KHDRBS3: variants seen among roughly 807,000 people sequenced by gnomAD.
KHDRBS3 encodes KH domain-containing, RNA-binding, signal transduction-associated protein 3.
A neutral mutation model predicts 45.6 loss-of-function variants in KHDRBS3; 23 were observed. That is an observed-to-expected ratio of 0.50 (90% CI 0.36 to 0.72). The LOEUF is 0.72. KHDRBS3 is among the 30% of genes least tolerant of loss of function. The probability of loss-of-function intolerance (pLI) is 0.00; values close to 1 mark genes in which losing one functional copy is unlikely to be tolerated. For missense variants in KHDRBS3, 352 were observed against 424.8 expected, an observed-to-expected ratio of 0.83 and a Z score of 1.51; for synonymous variants, 162 against 156.5, an observed-to-expected ratio of 1.04 and a Z score of -0.26.
chr8:135,602,385 A>C (rs1386520039), intron 6 of KHDRBS3, among the ~76,000 whole-genome samples: 3 of 152,204 alleles, frequency 2.0e-5, no homozygotes, highest in Non-Finnish European at 4.4e-5. Flanking sequence ...CTCCTGAATG[A>C]AATCTTGTGA....
rs554074659 is a variant in KHDRBS3 at position 135,488,649 on chromosome 8, A to G, written c.88+30695A>G. Among the ~76,000 whole-genome samples, 4 of 152,318 alleles carry G rather than the reference A, an allele frequency of 2.6e-5. No homozygotes were observed. In the South Asian group the frequency reaches 8.3e-4, roughly 32 times the overall value. On this transcript the variant is annotated intron_variant, in intron 1 of 8. Coordinates refer to ENST00000355849, the MANE Select transcript of KHDRBS3 (RefSeq NM_006558.3). The stretch of plus-strand genomic sequence containing the variant: ...GTGGGTTGAGAAATAGACCAATATG[A>G]GGAAGCAAGCCTACTGATATTCATA...
chr8:135,603,852 C>A (rs546504240), intron 6 of KHDRBS3, among the ~76,000 whole-genome samples: 9 of 152,034 alleles, frequency 5.9e-5, no homozygotes, highest in African/African-American at 2.4e-5. Flanking sequence ...ATGTTTCATG[C>A]GCAGTGGAGA....
intron 2 of KHDRBS3, chr8:135,541,028 T>G (rs1406581941): frequency 4.6e-5 from 7 of 152,200 alleles, no homozygotes. Context: ...AGAAATTTAA[T>G]TGTTTCCACA....
At chr8:135,484,232 C>T (rs1822730758) in intron 1 of KHDRBS3, among the ~76,000 whole-genome samples, 1 of 152,168 alleles carries the variant, frequency 6.6e-6, no homozygotes, top group Non-Finnish European at 1.5e-5. Flanking sequence ...CAACGGGACC[C>T]CAGAAAAACT....
At position 135,457,706 on chromosome 8, in the gene KHDRBS3, TGCC is replaced by T. The variant is rs1023630113; in HGVS notation, c.-148_-146del. ...GCTGAGCGGTCGGTTCCCGCCCCCG[TGCC>T]GCCGCCGCCGCCTTCCGGCCGACCG... On this transcript the variant is annotated 5_prime_UTR_variant, in exon 1 of 9. Transcript: ENST00000355849. This position sits in a 1 kb window ranked among gnomAD's most constrained non-coding sequence, Gnocchi z 4.4. 8.7e-5 allele frequency: 14 copies of T among 160,738 alleles called. No individual in the cohort carries two copies. Among genetic ancestry groups the T allele is most frequent in the East Asian group, 1.9e-4 (1 of 5,174 alleles). 10.0% of individuals were successfully genotyped at this position (160,738 alleles called of 1,614,324 possible). A position where few individuals can be genotyped will look rare whatever the true frequency, so the allele number is the denominator to read the frequency against.
At chr8:135,608,668 G>T (rs750657892) in intron 7 of KHDRBS3, among the ~76,000 whole-genome samples, 5 of 152,146 alleles carry the variant, frequency 3.3e-5, no homozygotes, top group African/African-American at 1.2e-4. Flanking sequence ...TCTGTTATGG[G>T]ATGTATATAC....
chr8:135,550,479 A>G (rs1422466322), intron 4 of KHDRBS3, among the ~76,000 whole-genome samples: 1 of 152,220 alleles, frequency 6.6e-6, no homozygotes. Context: ...TGTTGAAAAG[A>G]CAATCATTTC....
chr8:135,584,553 A>G (rs1037405849), intron 6 of KHDRBS3, among the ~76,000 whole-genome samples: 1 of 152,234 alleles, frequency 6.6e-6, no homozygotes, highest in Non-Finnish European at 1.5e-5. Context: ...GATTTTCCTC[A>G]TTTAGCTTAG....
intron 1 of KHDRBS3, among the ~76,000 whole-genome samples, chr8:135,474,377 G>A (rs967555349): frequency 2.0e-5 from 3 of 152,198 alleles, no homozygotes; most frequent in Non-Finnish European, 4.4e-5. Flanking sequence ...TGCATGAATC[G>A]AACCAGATGC....
intron 1 of KHDRBS3, among the ~76,000 whole-genome samples, chr8:135,478,727 G>A (rs1184238181): frequency 6.6e-6 from 1 of 152,074 alleles, no homozygotes. Context: ...AAAATAACCA[G>A]TGAGCCAAAA....
At chr8:135,629,320 G>A (rs548798764) in intron 7 of KHDRBS3, among the ~76,000 whole-genome samples, 1 of 152,308 alleles carries the variant, frequency 6.6e-6, no homozygotes, top group Non-Finnish European at 1.5e-5. Flanking sequence ...CTAGTGTTTT[G>A]TGTAGGTGAA....
downstream of KHDRBS3, chr8:135,647,632 A>G (rs1009590778): frequency 3.1e-4 from 48 of 152,676 alleles, no homozygotes; most frequent in African/African-American, 1.1e-3. Context: ...TGAGCTAACA[A>G]TTTCATGGGT....
At chr8:135,614,565 A>G (rs1254281071) in intron 7 of KHDRBS3, among the ~76,000 whole-genome samples, 1 of 151,842 alleles carries the variant, frequency 6.6e-6, no homozygotes, top group Non-Finnish European at 1.5e-5. Flanking sequence ...AAAAAGTGCT[A>G]ATAGAAATTG....
intron 6 of KHDRBS3, among the ~76,000 whole-genome samples, chr8:135,584,009 T>G (rs1477155207): frequency 6.6e-6 from 1 of 152,212 alleles, no homozygotes; most frequent in Non-Finnish European, 1.5e-5. Flanking sequence ...AGGATTAATT[T>G]ACTCCCTTTT....
chr8:135,529,857 G>C (rs1169654535), intron 2 of KHDRBS3, among the ~76,000 whole-genome samples: 1 of 152,038 alleles, frequency 6.6e-6, no homozygotes, highest in Non-Finnish European at 1.5e-5. Flanking sequence ...TCAGGAGATT[G>C]AGACCACAGT....
chr8:135,563,655 T>C (rs1429661822), intron 5 of KHDRBS3, among the ~76,000 whole-genome samples: 2 of 152,252 alleles, frequency 1.3e-5, no homozygotes, highest in Admixed American at 6.5e-5. Flanking sequence ...GCACATTCTT[T>C]AGCCTCTTTC....
chr8:135,625,537 G>A, intron 7 of KHDRBS3: 1 of 867,868 alleles, frequency 1.2e-6, no homozygotes. Context: ...GAGGTTTCTT[G>A]GGTGTATTCA....
intron 2 of KHDRBS3, among the ~76,000 whole-genome samples, chr8:135,526,408 C>T (rs1312075094): frequency 1.3e-5 from 2 of 151,918 alleles, no homozygotes; most frequent in Non-Finnish European, 2.9e-5. Flanking sequence ...CAAGTACTTA[C>T]AATGTCTGAA....
Position 135,549,933 on chromosome 8 carries a change from C to G in KHDRBS3, c.471+1033C>G, listed in dbSNP as rs996369953. 2.0e-5 allele frequency: 3 copies of G among 152,110 alleles called. 1 individual carries two copies. Among genetic ancestry groups the G allele is most frequent in the South Asian group, 4.1e-4 (2 of 4,830 alleles). 9.4% of individuals were successfully genotyped at this position (152,110 alleles called of 1,614,324 possible). ...GAAATGGCTAGTATTTTCTTTAGTTCCCATGAGCAAATATGACAATCTATT... is the reference window on the plus strand; with the variant it reads ...GAAATGGCTAGTATTTTCTTTAGTTGCCATGAGCAAATATGACAATCTATT... On this transcript the variant is annotated intron_variant, in intron 4 of 8. Transcript: ENST00000355849.
Sources: gnomAD v4.1 joint callset for allele counts (sites outside exome capture counted in the v4.1 genomes callset) on GRCh38, gnomAD v4.1.1 for gene constraint, Gnocchi (gnomAD v3.1) non-coding constraint, MANE v1.5 for transcripts, NCBI Gene and HGNC (gene_info 2026-07-23, HGNC 2026-07-21) for gene names.